The following CDC42SE2 variants were observed in gnomAD, a reference collection of about 807,000 sequenced individuals.
CDC42SE2 encodes the protein CDC42 small effector protein 2.
A neutral mutation model predicts 11.5 loss-of-function variants in CDC42SE2; 3 were observed. The observed-to-expected ratio is 0.26, with a 90% confidence interval of 0.12 to 0.67. The LOEUF (loss-of-function observed/expected upper bound fraction) is 0.67. CDC42SE2 is among the 30% of genes least tolerant of loss of function. CDC42SE2 has a pLI of 0.80. For missense variants in CDC42SE2, 82 were observed against 106.8 expected, an observed-to-expected ratio of 0.77 and a Z score of 1.02; for synonymous variants, 33 against 34.8, an observed-to-expected ratio of 0.95 and a Z score of 0.18.
chr5:131,225,853 T>G, the CDC42SE2 span, among the ~76,000 whole-genome samples: 1 of 152,230 alleles, frequency 6.6e-6, no homozygotes, highest in Non-Finnish European at 1.5e-5. Context: ...AAAGGTAAGA[T>G]CTTACCAATT....
chr5:131,374,386 C>T (rs1014740152), intron 3 of CDC42SE2, among the ~76,000 whole-genome samples: 11 of 152,006 alleles, frequency 7.2e-5, no homozygotes, highest in African/African-American at 2.7e-4. Flanking sequence ...CTAAAATTAG[C>T]TGGGTGCGGT....
chr5:131,226,685 A>G, the CDC42SE2 span, among the ~76,000 whole-genome samples: 1 of 152,280 alleles, frequency 6.6e-6, no homozygotes, highest in South Asian at 2.1e-4. Context: ...TGATTATTGA[A>G]GTTTTGGCTG....
intron 2 of CDC42SE2, among the ~76,000 whole-genome samples, chr5:131,341,316 CAAAG>C (rs1400804790): frequency 4.6e-5 from 7 of 152,164 alleles, no homozygotes; most frequent in Admixed American, 4.6e-4. Context: ...ACATCACACA[CAAAG>C]GAAGGAAAAT....
chr5:131,285,449 C>T (rs1479043080), intron 1 of CDC42SE2, among the ~76,000 whole-genome samples: 2 of 152,138 alleles, frequency 1.3e-5, no homozygotes, highest in Non-Finnish European at 2.9e-5. Context: ...TAATTTCTGA[C>T]TATGGCTAAG....
chr5:131,232,623 A>T, the CDC42SE2 span, among the ~76,000 whole-genome samples: 2 of 150,610 alleles, frequency 1.3e-5, no homozygotes, highest in Non-Finnish European at 2.9e-5. Flanking sequence ...AATCCCAGGT[A>T]CTTGGGAGGC....
At chr5:131,216,713 C>T in the CDC42SE2 span, among the ~76,000 whole-genome samples, 80 of 152,150 alleles carry the variant, frequency 5.3e-4, no homozygotes, top group African/African-American at 1.9e-3. Context: ...CATCCCTAAC[C>T]TTCAGGTCCC....
At chr5:131,317,595 T>A (rs552410894) in intron 2 of CDC42SE2, among the ~76,000 whole-genome samples, 20 of 152,084 alleles carry the variant, frequency 1.3e-4, no homozygotes, top group South Asian at 1.2e-3. Context: ...TCTAGTTGCT[T>A]ATGTTTTAAA....
chr5:131,350,288 T>G (rs1758973800), intron 2 of CDC42SE2, among the ~76,000 whole-genome samples: 2 of 151,902 alleles, frequency 1.3e-5, no homozygotes, highest in Admixed American at 1.3e-4. Context: ...CCTTGGCAGT[T>G]TCTGTGGTAT....
At chr5:131,261,508 C>G (rs564137530), upstream of CDC42SE2, 1 of 152,138 alleles carries the variant, frequency 6.6e-6, no homozygotes, top group African/African-American at 2.4e-5. Flanking sequence ...TGTAAAGAGA[C>G]TGCTATGAAT....
chr5:131,367,765 T>A (rs1326902194), intron 3 of CDC42SE2, among the ~76,000 whole-genome samples: 1 of 152,216 alleles, frequency 6.6e-6, no homozygotes, highest in East Asian at 1.9e-4. Flanking sequence ...AGTACCTTTT[T>A]TGGCTTATAT....
intron 1 of CDC42SE2, among the ~76,000 whole-genome samples, chr5:131,276,524 T>C (rs1206428946): frequency 6.6e-6 from 1 of 152,098 alleles, no homozygotes; most frequent in Non-Finnish European, 1.5e-5. Flanking sequence ...AGATAATGTT[T>C]GTGTGCAAGT....
chr5:131,330,286 C>G lies in CDC42SE2; in HGVS notation c.-286+14142C>G, dbSNP rs558614321. ...GACGTTCTAAGATCCAAGCCTTGTTCTGTAGTCAAACAAGTCTTACTAAGG... is the reference window on the plus strand; with the variant it reads ...GACGTTCTAAGATCCAAGCCTTGTTGTGTAGTCAAACAAGTCTTACTAAGG... On this transcript the variant is annotated intron_variant, in intron 2 of 4. Coordinates refer to ENST00000505065, the MANE Select transcript of CDC42SE2 (RefSeq NM_001375635.1). Among the ~76,000 whole-genome samples, 6 of 152,228 alleles carry G rather than the reference C, an allele frequency of 3.9e-5. No homozygotes were observed. The East Asian group carries it at 1.2e-3, about 29-fold the overall frequency.
At chr5:131,335,970 T>G (rs1055664201) in intron 2 of CDC42SE2, among the ~76,000 whole-genome samples, 3 of 152,196 alleles carry the variant, frequency 2.0e-5, no homozygotes, top group Non-Finnish European at 2.9e-5. Context: ...CCATTTACAT[T>G]TAAGGTTAGT....
At chr5:131,342,315 G>C (rs1758730384) in intron 2 of CDC42SE2, among the ~76,000 whole-genome samples, 1 of 147,948 alleles carries the variant, frequency 6.8e-6, no homozygotes, top group Non-Finnish European at 1.5e-5. Context: ...AGAAGAAGCA[G>C]CTTGGTAAGT....
intron 2 of CDC42SE2, among the ~76,000 whole-genome samples, chr5:131,340,328 A>G (rs993496127): frequency 3.3e-5 from 5 of 152,218 alleles, no homozygotes; most frequent in Non-Finnish European, 7.3e-5. Flanking sequence ...CATCTGGAAC[A>G]TGTATCATCC....
rs909281820 is a variant in CDC42SE2 at position 131,393,818 on chromosome 5, T to G, written c.*2727T>G. On this transcript the variant is annotated 3_prime_UTR_variant, in exon 5 of 5. Transcript: ENST00000505065. ...ATTTTAGTCTTTTTCCAAATCGCTGTTTTTTTTTTTTTTTTTTTTTTTTTT... is the reference window on the plus strand; with the variant it reads ...ATTTTAGTCTTTTTCCAAATCGCTGGTTTTTTTTTTTTTTTTTTTTTTTTT... 6 of 109,644 alleles carry G rather than the reference T, an allele frequency of 5.5e-5. No homozygotes were observed. The South Asian group carries it at 8.8e-4, about 16-fold the overall frequency. 6.8% of individuals were successfully genotyped at this position (109,644 alleles called of 1,614,324 possible). A position where few individuals can be genotyped will look rare whatever the true frequency, so the allele number is the denominator to read the frequency against.
chr5:131,370,342 A>C (rs1159373321), intron 3 of CDC42SE2, among the ~76,000 whole-genome samples: 1 of 152,198 alleles, frequency 6.6e-6, no homozygotes, highest in African/African-American at 2.4e-5. Context: ...AATGAGCATC[A>C]ATTATTTTTT....
intron 1 of CDC42SE2, among the ~76,000 whole-genome samples, chr5:131,282,702 C>T (rs1212789547): frequency 6.6e-6 from 1 of 152,102 alleles, no homozygotes; most frequent in Admixed American, 6.6e-5. Flanking sequence ...GATCTCGGCT[C>T]ACTGCAAGCT....
intron 1 of CDC42SE2, among the ~76,000 whole-genome samples, chr5:131,314,123 T>G (rs1477907193): frequency 6.6e-6 from 1 of 152,242 alleles, no homozygotes; most frequent in Non-Finnish European, 1.5e-5. Flanking sequence ...TTGACTTCAT[T>G]GATCTATGAA....
Sources: gnomAD v4.1 joint callset for allele counts (sites outside exome capture counted in the v4.1 genomes callset) on GRCh38, gnomAD v4.1.1 for gene constraint, MANE v1.5 for transcripts, NCBI Gene and HGNC (gene_info 2026-07-23, HGNC 2026-07-21) for gene names.